The following PCDH15 variants were observed in gnomAD, a reference collection of about 807,000 sequenced individuals.
PCDH15 encodes the protein protocadherin-15.
Under a neutral mutation model 178.5 loss-of-function variants are expected in PCDH15, and 129 were observed. The ratio of observed to expected loss-of-function variants is 0.72; its 90% CI spans 0.63 to 0.84. PCDH15 has a LOEUF of 0.84. Ranked by LOEUF, PCDH15 falls within the 40% of genes least tolerant of loss-of-function variation. PCDH15 has a pLI of 0.00. For missense variants in PCDH15, 2,230 were observed against 2,099.9 expected (o/e 1.06, Z -1.21); for synonymous variants, 800 against 732.0 (o/e 1.09, Z -1.50).
At chr10:55,478,828 A>G (rs1267776300) in intron 2 of PCDH15, among the ~76,000 whole-genome samples, 1 of 150,920 alleles carries the variant, frequency 6.6e-6, no homozygotes, top group Non-Finnish European at 1.5e-5. Context: ...AGAATTAAAA[A>G]GATCATTAAA....
chr10:54,663,319 G>A (rs1261214098), intron 2 of PCDH15, among the ~76,000 whole-genome samples: 3 of 151,262 alleles, frequency 2.0e-5, no homozygotes, highest in African/African-American at 2.4e-5. Flanking sequence ...TAAGAACGAG[G>A]AAAAGTTAAA....
intron 2 of PCDH15, among the ~76,000 whole-genome samples, chr10:55,026,678 C>A (rs1840483748): frequency 6.6e-6 from 1 of 151,742 alleles, no homozygotes. Context: ...GTAGTCATGG[C>A]TTTAAAGAGA....
At chr10:53,878,208 C>CACACACAA (rs2080382868) in intron 26 of PCDH15, among the ~76,000 whole-genome samples, 1 of 80,316 alleles carries the variant, frequency 1.2e-5, no homozygotes, top group Non-Finnish European at 2.3e-5. Context: ...CACACACACA[C>CACACACAA]ACTTTGAATA....
At chr10:54,229,521 T>G (rs1162727003) in intron 9 of PCDH15, among the ~76,000 whole-genome samples, 2 of 152,174 alleles carry the variant, frequency 1.3e-5, no homozygotes, top group Admixed American at 6.5e-5. Flanking sequence ...TCCCACAGTT[T>G]CTGAATCTCA....
intron 2 of PCDH15, among the ~76,000 whole-genome samples, chr10:54,954,454 C>T (rs1209184755): frequency 6.6e-6 from 1 of 151,242 alleles, no homozygotes; most frequent in Non-Finnish European, 1.5e-5. Context: ...CCTTCTTACG[C>T]TCTTCTTAAA....
At chr10:55,468,706 T>C (rs889737813) in intron 2 of PCDH15, among the ~76,000 whole-genome samples, 2 of 152,170 alleles carry the variant, frequency 1.3e-5, no homozygotes. Flanking sequence ...ACACCTGCTT[T>C]AAAAAATATT....
chr10:55,274,522 C>T (rs1321844988), intron 1 of PCDH15, among the ~76,000 whole-genome samples: 2 of 152,024 alleles, frequency 1.3e-5, no homozygotes, highest in South Asian at 4.1e-4. Flanking sequence ...CTGATGACTC[C>T]ATTTTATTCA....
intron 13 of PCDH15, among the ~76,000 whole-genome samples, chr10:54,157,806 C>T (rs2045311564): frequency 6.6e-6 from 1 of 152,158 alleles, no homozygotes; most frequent in African/African-American, 2.4e-5. Context: ...TGTTTTGCTG[C>T]TAAGAAATTT....
chr10:55,228,216 G>A (rs1339630984), intron 1 of PCDH15, among the ~76,000 whole-genome samples: 1 of 152,014 alleles, frequency 6.6e-6, no homozygotes, highest in African/African-American at 2.4e-5. Flanking sequence ...GCACTGTAAG[G>A]TAACATCAAT....
chr10:55,288,757 T>A (rs543140844), intron 1 of PCDH15, among the ~76,000 whole-genome samples: 17 of 152,044 alleles, frequency 1.1e-4, no homozygotes, highest in Non-Finnish European at 2.9e-5. Flanking sequence ...ACATACCACA[T>A]TTTCTTTATC....
chr10:54,773,641 C>T (rs1591555781), intron 1 of PCDH15, among the ~76,000 whole-genome samples: 1 of 152,174 alleles, frequency 6.6e-6, no homozygotes, highest in Non-Finnish European at 1.5e-5. Context: ...CACACTGAGA[C>T]ATGTTGATTC....
chr10:54,265,937 C>T (rs2057648334), intron 8 of PCDH15, among the ~76,000 whole-genome samples: 1 of 151,990 alleles, frequency 6.6e-6, no homozygotes, highest in African/African-American at 2.4e-5. Context: ...ACCTAATACA[C>T]ATCTACAGAA....
chr10:54,264,023 T>G (rs7081390), intron 8 of PCDH15, among the ~76,000 whole-genome samples: 109,193 of 151,838 alleles, frequency 0.72, 40,208 homozygotes, highest in Middle Eastern at 0.76. Flanking sequence ...TGGACTTTTG[T>G]ACTTACACCA....
intron 1 of PCDH15, among the ~76,000 whole-genome samples, chr10:55,196,370 C>T (rs1344861288): frequency 6.6e-6 from 1 of 152,062 alleles, no homozygotes; most frequent in African/African-American, 2.4e-5. Flanking sequence ...CTTTCAATGG[C>T]TTTATATTCT....
At chr10:54,491,301 G>GAT (rs1307125281) in intron 3 of PCDH15, among the ~76,000 whole-genome samples, 2 of 115,826 alleles carry the variant, frequency 1.7e-5, no homozygotes, top group African/African-American at 3.7e-5. Context: ...TTATCCCTAT[G>GAT]ATGTCTCAAA....
chr10:54,018,906 A>C (rs1484244231), intron 20 of PCDH15, among the ~76,000 whole-genome samples: 1 of 152,108 alleles, frequency 6.6e-6, no homozygotes, highest in Non-Finnish European at 1.5e-5. Flanking sequence ...ACATAGATAC[A>C]ACTGTGAATA....
At chr10:55,315,146 C>T (rs1029736673) in intron 1 of PCDH15, among the ~76,000 whole-genome samples, 1 of 152,112 alleles carries the variant, frequency 6.6e-6, no homozygotes, top group African/African-American at 2.4e-5. Flanking sequence ...ACTTACTGTA[C>T]TTTCTTTCTA....
chr10:55,139,797 C>A (rs1013018831), intron 2 of PCDH15, among the ~76,000 whole-genome samples: 1 of 151,752 alleles, frequency 6.6e-6, no homozygotes, highest in Admixed American at 6.6e-5. Context: ...ACTTGGGAAT[C>A]ATTTAATCTA....
At chr10:54,083,422 A>G (rs928299434) in intron 16 of PCDH15, among the ~76,000 whole-genome samples, 7 of 152,230 alleles carry the variant, frequency 4.6e-5, no homozygotes, top group African/African-American at 2.4e-5. Context: ...TTGTATATGC[A>G]TGTAATGGAA....
Sources: gnomAD v4.1 joint callset for allele counts (sites outside exome capture counted in the v4.1 genomes callset) on GRCh38, gnomAD v4.1.1 for gene constraint, MANE v1.5 for transcripts, NCBI Gene and HGNC (gene_info 2026-07-23, HGNC 2026-07-21) for gene names.